Variants in RBFOX1 observed in about 807,000 individuals in gnomAD.
RBFOX1 encodes RNA binding fox-1 homolog 1, also known as RNA binding protein fox-1 homolog 1.
RBFOX1 carries 8 observed loss-of-function variants against 57.7 expected under a neutral mutation model. The ratio of observed to expected loss-of-function variants is 0.14; its 90% CI spans 0.08 to 0.25. The LOEUF (loss-of-function observed/expected upper bound fraction) is 0.25. Ranked by LOEUF, RBFOX1 falls within the 10% of genes least tolerant of loss-of-function variation. RBFOX1 has a pLI of 1.00. For missense variants in RBFOX1, 611 were observed against 548.5 expected (o/e 1.11, Z -1.14); for synonymous variants, 326 against 222.4 (o/e 1.47, Z -4.15).
intron 2 of RBFOX1, among the ~76,000 whole-genome samples, chr16:6,416,687 G>A (rs891206294): frequency 4.6e-5 from 7 of 152,028 alleles, no homozygotes; most frequent in African/African-American, 1.7e-4. Context: ...CCATTTCCAC[G>A]CCCATGTTAC....
chr16:6,694,214 G>A (rs1428618159), intron 3 of RBFOX1, among the ~76,000 whole-genome samples: 10 of 152,088 alleles, frequency 6.6e-5, no homozygotes, highest in Admixed American at 6.6e-4. Flanking sequence ...ATTGCATATT[G>A]TCAGTATTCC....
At chr16:6,662,333 A>G (rs577534136) in intron 3 of RBFOX1, among the ~76,000 whole-genome samples, 1 of 152,352 alleles carries the variant, frequency 6.6e-6, no homozygotes, top group South Asian at 2.1e-4. Flanking sequence ...TTAGCTTGGT[A>G]GTAGTAATCA....
Position 6,394,296 on chromosome 16 carries a change from A to C in RBFOX1, c.-64+77239A>C, listed in dbSNP as rs185343232. Among the ~76,000 whole-genome samples the C allele has an allele frequency of 2.4e-3, 364 of 152,326 alleles. 3 individuals carry two copies. The highest frequency in any genetic ancestry group is 8.2e-3 in the African/African-American group (339 of 41,570). Reference sequence around the variant, plus strand: ...CTGATCGAGGCATATTGTGGAGATTAATTAGTTTCTGAAGTGCTGAGATCC... The same window carrying C: ...CTGATCGAGGCATATTGTGGAGATTCATTAGTTTCTGAAGTGCTGAGATCC... On this transcript the variant is annotated intron_variant, in intron 2 of 15. Coordinates refer to ENST00000550418, the MANE Select transcript of RBFOX1 (RefSeq NM_018723.4).
chr16:6,071,861 T>C (rs951613834), intron 1 of RBFOX1, among the ~76,000 whole-genome samples: 1 of 152,232 alleles, frequency 6.6e-6, no homozygotes, highest in African/African-American at 2.4e-5. Flanking sequence ...GACTGGCTTA[T>C]TTCACTAGAA....
intron 3 of RBFOX1, among the ~76,000 whole-genome samples, chr16:5,816,923 A>G (rs1023460851): frequency 6.6e-6 from 1 of 152,206 alleles, no homozygotes; most frequent in Non-Finnish European, 1.5e-5. Context: ...AGATGTGTTG[A>G]TATAGGCATG....
intron 2 of RBFOX1, among the ~76,000 whole-genome samples, chr16:5,515,579 C>G (rs1461574582): frequency 6.6e-6 from 1 of 152,210 alleles, no homozygotes; most frequent in East Asian, 1.9e-4. Context: ...GATGTATTTC[C>G]TTCATTACTA....
At chr16:6,975,849 G>A (rs905519711) in intron 3 of RBFOX1, among the ~76,000 whole-genome samples, 1 of 152,086 alleles carries the variant, frequency 6.6e-6, no homozygotes, top group Non-Finnish European at 1.5e-5. Context: ...AAAACTAGCT[G>A]GGTATGGTGG....
At chr16:6,151,276 C>T (rs1236147083) in intron 1 of RBFOX1, among the ~76,000 whole-genome samples, 1 of 152,098 alleles carries the variant, frequency 6.6e-6, no homozygotes, top group African/African-American at 2.4e-5. Context: ...ATTCCTGTTG[C>T]ATAATTAGTT....
intron 4 of RBFOX1, among the ~76,000 whole-genome samples, chr16:7,427,422 T>C (rs1381619672): frequency 6.6e-6 from 1 of 152,090 alleles, no homozygotes; most frequent in East Asian, 1.9e-4. Flanking sequence ...TGGACAGGCT[T>C]GGTTTTGCAA....
chr16:6,326,287 A>G (rs149149732), intron 2 of RBFOX1, among the ~76,000 whole-genome samples: 167 of 152,318 alleles, frequency 1.1e-3, no homozygotes, highest in African/African-American at 3.8e-3. Context: ...TGAGGATATC[A>G]TAGTAAACAA....
intron 1 of RBFOX1, among the ~76,000 whole-genome samples, chr16:6,027,276 T>G (rs1050550959): frequency 2.6e-5 from 4 of 152,122 alleles, no homozygotes; most frequent in Non-Finnish European, 1.5e-5. Flanking sequence ...ACTTGACAGA[T>G]GAAGGAACTG....
At chr16:5,285,071 C>T (rs1010912002) in intron 1 of RBFOX1, among the ~76,000 whole-genome samples, 4 of 152,134 alleles carry the variant, frequency 2.6e-5, no homozygotes, top group Middle Eastern at 3.2e-3. Context: ...TTACCCATCT[C>T]ATCTCCATCT....
intron 4 of RBFOX1, among the ~76,000 whole-genome samples, chr16:7,425,305 C>T (rs752655851): frequency 2.6e-5 from 4 of 152,092 alleles, no homozygotes; most frequent in Non-Finnish European, 5.9e-5. Context: ...TCTTATAAAC[C>T]CGCAAGGGGT....
intron 4 of RBFOX1, among the ~76,000 whole-genome samples, chr16:7,145,890 C>A (rs1238947736): frequency 6.6e-6 from 1 of 152,132 alleles, no homozygotes; most frequent in Non-Finnish European, 1.5e-5. Context: ...CTCTGAGGTT[C>A]CCATCCCCTC....
At chr16:7,626,516 T>A (rs1328389811) in intron 10 of RBFOX1, among the ~76,000 whole-genome samples, 1 of 152,184 alleles carries the variant, frequency 6.6e-6, no homozygotes, top group Non-Finnish European at 1.5e-5. Flanking sequence ...GGGCTCTGAT[T>A]ATTCTGAGAT....
rs147262795 is a variant in RBFOX1 at position 6,694,747 on chromosome 16, A to C, written c.-16+40097A>C. 1.7e-3 allele frequency among the ~76,000 whole-genome samples: 257 copies of C among 152,284 alleles called. No individual in the cohort carries two copies. The East Asian group carries it at 0.03, about 18-fold the overall frequency. On this transcript the variant is annotated intron_variant, in intron 3 of 15. Coordinates refer to ENST00000550418, the MANE Select transcript of RBFOX1 (RefSeq NM_018723.4). ...TCCATTGGTAATAGGTATAAAAATG[A>C]ATTCCAGCATTGCCTCTCATTTAAC... is the stretch of plus-strand genomic sequence containing the variant.
intron 3 of RBFOX1, among the ~76,000 whole-genome samples, chr16:5,614,856 G>A (rs961338891): frequency 6.6e-6 from 1 of 152,186 alleles, no homozygotes; most frequent in African/African-American, 2.4e-5. Flanking sequence ...GAAAAGGACA[G>A]TGCACACCCG....
At chr16:6,593,906 C>A (rs538583786) in intron 2 of RBFOX1, among the ~76,000 whole-genome samples, 1 of 152,134 alleles carries the variant, frequency 6.6e-6, no homozygotes, top group Admixed American at 6.5e-5. Context: ...CATTGCCTAG[C>A]GATTTACTGG....
intron 4 of RBFOX1, among the ~76,000 whole-genome samples, chr16:7,277,502 G>T (rs189030113): frequency 7.9e-5 from 12 of 152,262 alleles, no homozygotes; most frequent in African/African-American, 2.6e-4. Context: ...AGCCACAATT[G>T]TTAGTGTAGC....
Sources: allele counts gnomAD v4.1 joint callset (sites outside exome capture counted in the v4.1 genomes callset), GRCh38; gene constraint gnomAD v4.1.1; transcripts MANE v1.5; gene names NCBI Gene and HGNC (gene_info 2026-07-23, HGNC 2026-07-21).